The following MEP1B variants were observed in gnomAD, a reference collection of about 807,000 sequenced individuals.
The protein encoded by MEP1B is N-benzoyl-L-tyrosyl-P-amino-benzoic acid hydrolase subunit beta.
MEP1B carries 80 observed loss-of-function variants against 84.6 expected under a neutral mutation model. The observed-to-expected ratio is 0.95, with a 90% CI of 0.79 to 1.14. The LOEUF is 1.14. Ranked by LOEUF, MEP1B falls within the 50% of genes most tolerant of loss-of-function variation. The pLI is 0.00. For synonymous variants in MEP1B, 273 were observed against 288.1 expected, an observed-to-expected ratio of 0.95 and a Z score of 0.53; for missense variants, 766 against 855.1, an observed-to-expected ratio of 0.90 and a Z score of 1.30.
chr18:32,213,132 C>T lies in MEP1B; in HGVS notation c.1152C>T (p.Ser384=), dbSNP rs2144422765. Reference sequence around the variant, plus strand: ...CTTTTGCAGAAATACCCACTGGGAGCTGGCAACTTTATCATGTAACATTGA... The same window carrying T: ...CTTTTGCAGAAATACCCACTGGGAGTTGGCAACTTTATCATGTAACATTGA... The part of the protein sequence containing the change: ...VEEIKEIPTG[S]WQLYHVTLKV... The change falls in exon 11 of 15, where the codon AGC becomes AGT. Residue 384 remains serine, a synonymous_variant. Transcript: ENST00000269202. 2 of 1,613,192 alleles carry T rather than the reference C, an allele frequency of 1.2e-6. No individual in the cohort carries two copies. The highest frequency in any genetic ancestry group is 1.7e-6 in the Non-Finnish European group (2 of 1,179,188).
At chr18:32,194,156 C>T (rs1266701048) in intron 4 of MEP1B, among the ~76,000 whole-genome samples, 1 of 152,020 alleles carries the variant, frequency 6.6e-6, no homozygotes, top group East Asian at 1.9e-4. Flanking sequence ...CCCATCCAGC[C>T]CGTCAGCAAG....
At chr18:32,192,281 A>C (rs2040809223) in intron 2 of MEP1B, among the ~76,000 whole-genome samples, 1 of 152,146 alleles carries the variant, frequency 6.6e-6, no homozygotes, top group South Asian at 2.1e-4. Flanking sequence ...AGTGATATAC[A>C]TGTATGAGTA....
chr18:32,195,162 A>G (rs923190386), intron 4 of MEP1B, among the ~76,000 whole-genome samples: 1 of 152,188 alleles, frequency 6.6e-6, no homozygotes, highest in East Asian at 1.9e-4. Context: ...GTTTTCCAAC[A>G]GTTATTTTTT....
At position 32,195,461 on chromosome 18, in the gene MEP1B, C is replaced by T; in HGVS notation, c.226C>T (p.Pro76Ser). Residue 76 changes from proline to serine, a missense_variant, in exon 5 of 15, where the codon CCA becomes TCA. Transcript: ENST00000269202. ...AAAGTATAGATGGCCTCATACCATT[C>T]CATATGTTCTAGAAGATAGCTTGGG... ...GEKYRWPHTIPYVLEDSLEMN... is the reference protein window; with the variant it reads ...GEKYRWPHTISYVLEDSLEMN... 1 of 1,610,196 alleles carries T rather than the reference C, an allele frequency of 6.2e-7. No individual in the cohort carries two copies. Among genetic ancestry groups the T allele is most frequent in the South Asian group, 1.1e-5 (1 of 90,762 alleles).
chr18:32,219,719 G>GAA (rs1463107723), intron 14 of MEP1B, among the ~76,000 whole-genome samples: 1 of 152,042 alleles, frequency 6.6e-6, no homozygotes, highest in Non-Finnish European at 1.5e-5. Flanking sequence ...AAAGAGAAGA[G>GAA]AAAGAAGGAA....
At chr18:32,190,489 C>T (rs75311976) in intron 1 of MEP1B, among the ~76,000 whole-genome samples, 2,541 of 152,126 alleles carry the variant, frequency 0.017, 44 homozygotes, top group African/African-American at 0.045. Flanking sequence ...TCACAGGCAC[C>T]GTCAGTACTT....
chr18:32,203,661 G>A (rs2040934752), intron 6 of MEP1B, among the ~76,000 whole-genome samples: 1 of 152,056 alleles, frequency 6.6e-6, no homozygotes, highest in Non-Finnish European at 1.5e-5. Context: ...GAAATACCAG[G>A]GACTCGGTAA....
At chr18:32,198,986 A>C (rs757851611) in intron 5 of MEP1B, among the ~76,000 whole-genome samples, 5 of 152,158 alleles carry the variant, frequency 3.3e-5, no homozygotes, top group Non-Finnish European at 7.3e-5. Flanking sequence ...GTGGGTGTAG[A>C]GAAAGAGATT....
At chr18:32,203,063 G>C (rs1324456511) in intron 6 of MEP1B, 53 bp downstream of exon 6, 1 of 1,025,872 alleles carries the variant, frequency 9.7e-7, no homozygotes, top group Non-Finnish European at 1.5e-6. Flanking sequence ...CTAGTGCCTG[G>C]GACATTACAT....
At chr18:32,192,408 T>A (rs543662658) in intron 2 of MEP1B, among the ~76,000 whole-genome samples, 1 of 152,108 alleles carries the variant, frequency 6.6e-6, no homozygotes, top group Non-Finnish European at 1.5e-5. Context: ...CCGAAGTCAT[T>A]TGACATTCAA....
At chr18:32,207,858 T>C (rs889504525) in intron 8 of MEP1B, among the ~76,000 whole-genome samples, 1 of 152,200 alleles carries the variant, frequency 6.6e-6, no homozygotes, top group African/African-American at 2.4e-5. Context: ...TAGGGGAGTA[T>C]AGACTCAGGT....
intron 9 of MEP1B, among the ~76,000 whole-genome samples, chr18:32,209,429 G>A (rs2040999906): frequency 1.3e-5 from 2 of 151,010 alleles, no homozygotes; most frequent in African/African-American, 4.9e-5. Flanking sequence ...AGAGGTTGTA[G>A]TGAGCTGAGA....
At chr18:32,195,691 T>A (rs1354374975) in intron 5 of MEP1B, among the ~76,000 whole-genome samples, 1 of 152,116 alleles carries the variant, frequency 6.6e-6, no homozygotes, top group South Asian at 2.1e-4. Flanking sequence ...ATATTTACAG[T>A]GTCTTGACCA....
At chr18:32,215,959 T>A (rs1213902319) in intron 12 of MEP1B, among the ~76,000 whole-genome samples, 1 of 146,298 alleles carries the variant, frequency 6.8e-6, no homozygotes, top group Admixed American at 6.9e-5. Flanking sequence ...CATACATGCA[T>A]ACATATATGC....
intron 5 of MEP1B, among the ~76,000 whole-genome samples, chr18:32,199,985 T>C (rs1057246393): frequency 6.6e-6 from 1 of 152,166 alleles, no homozygotes; most frequent in African/African-American, 2.4e-5. Context: ...GTATGTTCCA[T>C]GAAAGATTAG....
At chr18:32,194,384 C>T (rs1244443214) in intron 4 of MEP1B, among the ~76,000 whole-genome samples, 1 of 152,132 alleles carries the variant, frequency 6.6e-6, no homozygotes, top group Non-Finnish European at 1.5e-5. Context: ...TTCATTTCAC[C>T]TCCTGGCTTG....
chr18:32,219,626 G>A (rs2041128974), intron 14 of MEP1B, among the ~76,000 whole-genome samples: 1 of 152,072 alleles, frequency 6.6e-6, no homozygotes, highest in Admixed American at 6.5e-5. Context: ...ACAATGAATG[G>A]GTAGTGTAAC....
chr18:32,199,002 G>A (rs913315689), intron 5 of MEP1B, among the ~76,000 whole-genome samples: 3 of 152,128 alleles, frequency 2.0e-5, no homozygotes, highest in African/African-American at 4.8e-5. Flanking sequence ...AGATTCTAGT[G>A]CTCAGGATTC....
chr18:32,195,664 A>G lies in MEP1B; in HGVS notation c.250+179A>G, dbSNP rs2040846175. On this transcript the variant is annotated intron_variant, in intron 5 of 14. Coordinates refer to ENST00000269202, the MANE Select transcript of MEP1B (RefSeq NM_005925.3). ...GCAAAACGAACAATGAAAGTAACCT[A>G]AATGACTCTGTCTGAAATATTTACA... Among the ~76,000 whole-genome samples, 3 of 152,216 alleles carry G rather than the reference A, an allele frequency of 2.0e-5. No individual in the cohort carries two copies. The South Asian group carries it at 6.2e-4, about 32-fold the overall frequency.
Sources: allele counts gnomAD v4.1 joint callset (sites outside exome capture counted in the v4.1 genomes callset), GRCh38; gene constraint gnomAD v4.1.1; transcripts MANE v1.5; gene names NCBI Gene and HGNC (gene_info 2026-07-23, HGNC 2026-07-21).